WDR72: variants seen among roughly 807,000 people sequenced by gnomAD.
WDR72 encodes the protein WD repeat domain 72.
A neutral mutation model predicts 124.2 loss-of-function variants in WDR72; 120 were observed. That is an observed-to-expected ratio of 0.97 (90% CI 0.83 to 1.12). WDR72 has a LOEUF of 1.12. Among genes scored for constraint, WDR72 ranks in the 50% most tolerant of loss-of-function variants. The probability of loss-of-function intolerance (pLI) is 0.00; values close to 1 mark genes in which losing one functional copy is unlikely to be tolerated. For missense variants in WDR72, 1,387 were observed against 1,278.8 expected (o/e 1.08, Z -1.29); for synonymous variants, 452 against 441.7 (o/e 1.02, Z -0.29).
At chr15:53,709,339 C>T (rs2017470518) in intron 9 of WDR72, among the ~76,000 whole-genome samples, 1 of 152,184 alleles carries the variant, frequency 6.6e-6, no homozygotes, top group African/African-American at 2.4e-5. Context: ...TTTTAAGATA[C>T]AGAAACATCT....
At chr15:53,562,588 C>A (rs1894160588) in intron 18 of WDR72, among the ~76,000 whole-genome samples, 1 of 151,674 alleles carries the variant, frequency 6.6e-6, no homozygotes, top group Non-Finnish European at 1.5e-5. Flanking sequence ...GCCTTCATTA[C>A]AAATTTCCTC....
Position 53,597,138 on chromosome 15 carries a change from T to C in WDR72, c.3089A>G (p.Lys1030Arg). Reference sequence around the variant, plus strand: ...CTCTAGTTCTTCTGTCCATTCCAGCTTTGGCAGCATCTGCTTCATCTCACA... The same window carrying C: ...CTCTAGTTCTTCTGTCCATTCCAGCCTTGGCAGCATCTGCTTCATCTCACA... ...GNCEMKQMLPKLEWTEELELQ... is the reference protein window; with the variant it reads ...GNCEMKQMLPRLEWTEELELQ... The change falls in exon 18 of 20, where the codon AAG becomes AGG. Residue 1030 changes from lysine (K) to arginine (R), a missense_variant. By Grantham distance (26) the Lys-to-Arg change is conservative. Transcript: ENST00000360509. 1 of 1,613,962 alleles carries C rather than the reference T, an allele frequency of 6.2e-7. No homozygotes were observed. The highest frequency in any genetic ancestry group is 8.5e-7 in the Non-Finnish European group (1 of 1,179,898).
At chr15:53,618,683 C>A (rs2013865334) in intron 14 of WDR72, among the ~76,000 whole-genome samples, 1 of 151,974 alleles carries the variant, frequency 6.6e-6, no homozygotes, top group Non-Finnish European at 1.5e-5. Context: ...TTTCTCTCTG[C>A]TGTTTGATGA....
At chr15:53,637,372 G>T (rs1462987986) in intron 14 of WDR72, among the ~76,000 whole-genome samples, 1 of 152,018 alleles carries the variant, frequency 6.6e-6, no homozygotes, top group African/African-American at 2.4e-5. Context: ...ATTTAATGTG[G>T]CTTTCCCCAG....
chr15:53,719,269 T>A (rs1296547970), intron 3 of WDR72, among the ~76,000 whole-genome samples: 2 of 152,180 alleles, frequency 1.3e-5, no homozygotes, highest in Non-Finnish European at 2.9e-5. Flanking sequence ...TATTATACTT[T>A]CATTTTTTCT....
At chr15:53,711,554 A>T (rs557263203) in intron 7 of WDR72, 73 bp from the exon 8 acceptor site, 1 of 1,465,024 alleles carries the variant, frequency 6.8e-7, no homozygotes, top group South Asian at 1.2e-5. Context: ...ATAAATTATG[A>T]TAGTAATAAT....
intron 14 of WDR72, among the ~76,000 whole-genome samples, chr15:53,630,853 G>A (rs529032183): frequency 1.1e-3 from 172 of 152,194 alleles, no homozygotes; most frequent in African/African-American, 3.9e-3. Flanking sequence ...TAGACGTCCT[G>A]GACGGGGTGA....
rs1891400218 is a variant in WDR72, at chr15:53,515,265, G to C, written c.*2434C>G. Reference sequence around the variant, plus strand: ...GTTACCTAGGCCTAGACGTACAAAAGGACACCCATATCTCATCAGGAGAAA... The same window carrying C: ...GTTACCTAGGCCTAGACGTACAAAACGACACCCATATCTCATCAGGAGAAA... On this transcript the variant is annotated 3_prime_UTR_variant, in exon 20 of 20. Coordinates refer to ENST00000360509, the MANE Select transcript of WDR72 (RefSeq NM_182758.4). 1 of 151,862 alleles carries C rather than the reference G, an allele frequency of 6.6e-6. No individual in the cohort carries two copies. The highest frequency in any genetic ancestry group is 2.1e-4 in the South Asian group (1 of 4,810). 9.4% of individuals were successfully genotyped at this position (151,862 alleles called of 1,614,324 possible).
intron 13 of WDR72, among the ~76,000 whole-genome samples, chr15:53,681,049 A>G (rs1205173868): frequency 2.0e-5 from 3 of 152,246 alleles, no homozygotes; most frequent in African/African-American, 4.8e-5. Flanking sequence ...CCCTAGAAAC[A>G]CAAAAGACCT....
At chr15:53,541,343 C>T (rs1421860005) in intron 18 of WDR72, among the ~76,000 whole-genome samples, 2 of 152,114 alleles carry the variant, frequency 1.3e-5, no homozygotes, top group Admixed American at 6.5e-5. Flanking sequence ...CCCCTGACCC[C>T]CGAGCAGCCT....
chr15:53,757,729 AAC>A (rs2018948688), intron 1 of WDR72, among the ~76,000 whole-genome samples: 1 of 152,234 alleles, frequency 6.6e-6, no homozygotes, highest in African/African-American at 2.4e-5. Flanking sequence ...ATTATTAAAT[AAC>A]AGAAATTTCG....
chr15:53,658,004 T>C (rs2015486746), intron 14 of WDR72, among the ~76,000 whole-genome samples: 1 of 152,152 alleles, frequency 6.6e-6, no homozygotes. Flanking sequence ...TTTGAGAAAG[T>C]ACACATTATA....
At chr15:53,707,945 C>T (rs947313212) in intron 9 of WDR72, among the ~76,000 whole-genome samples, 11 of 152,170 alleles carry the variant, frequency 7.2e-5, no homozygotes, top group African/African-American at 1.2e-4. Context: ...CTGGGTTACT[C>T]GAGTTGGTGG....
chr15:53,679,238 G>A (rs780184488), intron 13 of WDR72, among the ~76,000 whole-genome samples: 4 of 152,284 alleles, frequency 2.6e-5, no homozygotes, highest in East Asian at 3.9e-4. Context: ...ATGGATGATG[G>A]TGATGGTTGC....
chr15:53,633,574 A>T (rs1007397459), intron 14 of WDR72, among the ~76,000 whole-genome samples: 4 of 152,240 alleles, frequency 2.6e-5, no homozygotes, highest in African/African-American at 9.6e-5. Flanking sequence ...ACCACAAAAA[A>T]GAAAATGTAC....
chr15:53,521,580 T>C (rs1176592617), intron 19 of WDR72, among the ~76,000 whole-genome samples: 2 of 152,104 alleles, frequency 1.3e-5, no homozygotes, highest in African/African-American at 4.8e-5. Flanking sequence ...AATTAATCTT[T>C]CTTTCTTGAT....
At chr15:53,591,559 T>G (rs1486021818) in intron 18 of WDR72, among the ~76,000 whole-genome samples, 1 of 152,034 alleles carries the variant, frequency 6.6e-6, no homozygotes, top group African/African-American at 2.4e-5. Context: ...TATGTATGTT[T>G]GCTTATAAAT....
chr15:53,694,639 T>C (rs1393694877), intron 13 of WDR72, among the ~76,000 whole-genome samples: 1 of 152,176 alleles, frequency 6.6e-6, no homozygotes, highest in Non-Finnish European at 1.5e-5. Flanking sequence ...GCACGATAAG[T>C]GAAGAACACA....
rs2017342832 is a variant in WDR72, at chr15:53,706,015, C to T, written c.1014G>A (p.Lys338=). Residue 338 remains lysine (K), a synonymous_variant, in exon 10 of 20, where the codon AAG becomes AAA. Transcript: ENST00000360509. ...CTGAGACTTCTCCAGAGAAAAGTAC[C>T]TTGTAAAAAGGCTCTTTCCTTTCAT... is the stretch of plus-strand genomic sequence containing the variant. ...YMNERKEPFY[K]VLFSGEVSGR... 5.0e-6 allele frequency: 8 copies of T among 1,613,888 alleles called. No individual in the cohort carries two copies. The highest frequency in any genetic ancestry group is 6.8e-6 in the Non-Finnish European group (8 of 1,180,008).
Sources: allele counts gnomAD v4.1 joint callset (sites outside exome capture counted in the v4.1 genomes callset), GRCh38; gene constraint gnomAD v4.1.1; transcripts MANE v1.5; gene names NCBI Gene and HGNC (gene_info 2026-07-23, HGNC 2026-07-21).